Variants in ACAT2 observed in about 807,000 individuals in gnomAD.
ACAT2 encodes acetyl-CoA acetyltransferase 2.
In ACAT2, 26 loss-of-function variants were observed where a neutral mutation model predicts 37.1. The ratio of observed to expected loss-of-function variants is 0.70; its 90% CI spans 0.51 to 0.97. The LOEUF is 0.97. ACAT2 is among the 50% of genes least tolerant of loss of function. The pLI is 0.00. For missense variants in ACAT2, 468 were observed against 489.0 expected (o/e 0.96, Z 0.40); for synonymous variants, 156 against 163.6 (o/e 0.95, Z 0.35).
chr6:159,778,248 A>C lies in ACAT2; in HGVS notation c.991A>C (p.Ile331Leu). 1.2e-6 allele frequency: 2 copies of C among 1,611,528 alleles called. No homozygotes were observed. Among genetic ancestry groups the C allele is most frequent in the Non-Finnish European group, 1.7e-6 (2 of 1,179,514 alleles). Reference sequence around the variant, plus strand: ...AGCCTTTGCAGCTGTCTCTGCTGCAATAGTTAAAGAACTTGGATTAAACCC... The same window carrying C: ...AGCCTTTGCAGCTGTCTCTGCTGCACTAGTTAAAGAACTTGGATTAAACCC... ...NEAFAAVSAA[I>L]VKELGLNPEK... The change falls in exon 8 of 9, where the codon ATA (isoleucine) becomes CTA (leucine). Residue 331 changes from isoleucine to leucine, a missense_variant. Coordinates refer to ENST00000367048, the MANE Select transcript of ACAT2 (RefSeq NM_005891.3).
chr6:159,767,093 G>A lies in ACAT2; in HGVS notation c.279G>A (p.Gly93=). 6.2e-7 allele frequency: 1 copy of A among 1,614,208 alleles called. No homozygotes were observed. Residue 93 remains glycine, a synonymous_variant, in exon 3 of 9, where the codon GGG becomes GGA. Transcript: ENST00000367048. The part of the protein sequence containing the change: ...VPAWSCQMIC[G]SGLKAVCLAV... ...CATGGAGCTGCCAGATGATCTGTGG[G>A]TCAGGCCTAAAAGCTGTGTGCCTTG...
intron 7 of ACAT2, among the ~76,000 whole-genome samples, chr6:159,777,721 T>C (rs1780450601): frequency 7.0e-6 from 1 of 142,856 alleles, no homozygotes; most frequent in Admixed American, 7.3e-5. Context: ...CACCACGCCT[T>C]CTTCATTTCG....
chr6:159,776,032 A>G (rs1780407638), intron 5 of ACAT2, 118 bp from the exon 6 acceptor site: 5 of 1,199,166 alleles, frequency 4.2e-6, no homozygotes, highest in Middle Eastern at 2.1e-4. Flanking sequence ...GTGGTCACAT[A>G]TTAAAACTTT....
chr6:159,769,185 T>C (rs949148100), intron 4 of ACAT2, among the ~76,000 whole-genome samples: 1 of 152,156 alleles, frequency 6.6e-6, no homozygotes, highest in Non-Finnish European at 1.5e-5. Context: ...CACATAAATA[T>C]GTGAAAAAGG....
intron 8 of ACAT2, 65 bp downstream of exon 8, chr6:159,778,345 A>G (rs1278082262): frequency 4.3e-6 from 5 of 1,172,870 alleles, no homozygotes; most frequent in African/African-American, 3.2e-5. Flanking sequence ...TTAAGATAGT[A>G]TCTTCTAGGT....
intron 7 of ACAT2, 91 bp downstream of exon 7, chr6:159,777,547 C>G: frequency 1.5e-6 from 2 of 1,356,632 alleles, no homozygotes; most frequent in South Asian, 1.5e-5. Flanking sequence ...TCTTTCCCTA[C>G]CAGAAGAGTA....
At chr6:159,777,189 C>G in intron 6 of ACAT2, 113 bp from the exon 7 acceptor site, 1 of 1,201,740 alleles carries the variant, frequency 8.3e-7, no homozygotes. Context: ...ATAGTAAATG[C>G]CTTAGCCAAC....
Position 159,778,661 on chromosome 6 carries a change from C to T in ACAT2, c.1026C>T (p.Val342=). ...CTAAATCTTTTCTCCCCCGTTAGGTCAATATTGAAGGAGGGGCTATAGCCT... is the reference window on the plus strand; with the variant it reads ...CTAAATCTTTTCTCCCCCGTTAGGTTAATATTGAAGGAGGGGCTATAGCCT... ...VKELGLNPEK[V]NIEGGAIALG... The change falls in exon 9 of 9, where the codon GTC becomes GTT. Residue 342 remains valine, a splice_region_variant and synonymous_variant. Transcript: ENST00000367048. 1 of 1,613,938 alleles carries T rather than the reference C, an allele frequency of 6.2e-7. No homozygotes were observed. Among genetic ancestry groups the T allele is most frequent in the Non-Finnish European group, 8.5e-7 (1 of 1,179,886 alleles).
At chr6:159,772,076 T>G (rs1265619396) in intron 4 of ACAT2, among the ~76,000 whole-genome samples, 6 of 151,968 alleles carry the variant, frequency 3.9e-5, no homozygotes, top group African/African-American at 1.5e-4. Flanking sequence ...CTACAAAAAA[T>G]TAGCCAGGTG....
intron 6 of ACAT2, 145 bp downstream of exon 6, chr6:159,776,417 G>A (rs1780414945): frequency 1.9e-6 from 2 of 1,061,804 alleles, no homozygotes; most frequent in East Asian, 5.6e-5. Context: ...GCAGCAATAT[G>A]ATCATTGCTC....
chr6:159,777,177 TTATAG>T, intron 6 of ACAT2, 120 bp from the exon 7 acceptor site: 2 of 1,090,278 alleles, frequency 1.8e-6, no homozygotes, highest in Non-Finnish European at 2.7e-6. Context: ...GTCTGTTGAA[TTATAG>T]TAAATGCCTT....
At chr6:159,767,986 TAC>T (rs1780281073) in intron 3 of ACAT2, among the ~76,000 whole-genome samples, 1 of 152,222 alleles carries the variant, frequency 6.6e-6, no homozygotes, top group East Asian at 1.9e-4. Context: ...AGCATTCAAA[TAC>T]AACTCTTCCG....
intron 2 of ACAT2, among the ~76,000 whole-genome samples, chr6:159,763,629 C>CCTTT (rs1780198137): frequency 1.3e-5 from 1 of 76,376 alleles, no homozygotes; most frequent in African/African-American, 5.6e-5. Context: ...TTTTCTTTTC[C>CCTTT]TTTTTTTTTT....
At chr6:159,764,996 G>A (rs1168065023) in intron 2 of ACAT2, among the ~76,000 whole-genome samples, 1 of 152,206 alleles carries the variant, frequency 6.6e-6, no homozygotes, top group Non-Finnish European at 1.5e-5. Flanking sequence ...CCTACTTTGT[G>A]CCAGGCACTA....
At chr6:159,767,269 A>G (rs1464699080) in intron 3 of ACAT2, 83 bp downstream of exon 3, 23 of 1,423,900 alleles carry the variant, frequency 1.6e-5, no homozygotes, top group Non-Finnish European at 2.1e-5. Context: ...AAACAGATGC[A>G]TAGCAGAGCT....
chr6:159,763,573 T>G (rs1157250335), intron 2 of ACAT2, among the ~76,000 whole-genome samples: 2 of 151,618 alleles, frequency 1.3e-5, no homozygotes, highest in East Asian at 1.9e-4. Flanking sequence ...TTAATATGCT[T>G]TTTGTGAATG....
At chr6:159,767,438 T>G (rs532886110) in intron 3 of ACAT2, among the ~76,000 whole-genome samples, 1 of 152,356 alleles carries the variant, frequency 6.6e-6, no homozygotes, top group African/African-American at 2.4e-5. Context: ...TAATGAAGCA[T>G]GTAATATTTT....
intron 1 of ACAT2, 172 bp from the exon 2 acceptor site, chr6:159,762,747 C>T (rs936058039): frequency 4.5e-6 from 7 of 1,568,566 alleles, no homozygotes; most frequent in Admixed American, 1.8e-5. Flanking sequence ...CGAGTTGTGG[C>T]ACCCACCTTG....
At chr6:159,762,343 A>T (rs1780158533) in intron 1 of ACAT2, 3 of 1,242,310 alleles carry the variant, frequency 2.4e-6, no homozygotes, top group Non-Finnish European at 3.2e-6. Context: ...TCCTCTCCCG[A>T]TGTGCGCACT....
Sources: allele counts gnomAD v4.1 joint callset (sites outside exome capture counted in the v4.1 genomes callset), GRCh38; gene constraint gnomAD v4.1.1; transcripts MANE v1.5; gene names NCBI Gene and HGNC (gene_info 2026-07-23, HGNC 2026-07-21).